Variants in LRRC4C observed in about 807,000 individuals in gnomAD.
LRRC4C encodes leucine rich repeat containing 4C.
In LRRC4C, 5 loss-of-function variants were observed where a neutral mutation model predicts 33.6. That is an observed-to-expected ratio of 0.15 (90% CI 0.08 to 0.31). LRRC4C has a LOEUF of 0.31. LRRC4C is among the 10% of genes least tolerant of loss of function. The pLI, the probability that LRRC4C is intolerant of heterozygous loss-of-function variation, is 1.00. For missense variants in LRRC4C, 560 were observed against 796.7 expected (o/e 0.70, Z 3.58); for synonymous variants, 329 against 302.0 (o/e 1.09, Z -0.93).
chr11:41,331,669 T>C (rs1236081790), intron 1 of LRRC4C, among the ~76,000 whole-genome samples: 1 of 152,132 alleles, frequency 6.6e-6, no homozygotes, highest in African/African-American at 2.4e-5. Context: ...TCTCATACTT[T>C]TATTCACTTC....
At chr11:40,944,879 A>G (rs972996114) in intron 1 of LRRC4C, among the ~76,000 whole-genome samples, 4 of 152,170 alleles carry the variant, frequency 2.6e-5, no homozygotes, top group Non-Finnish European at 5.9e-5. Flanking sequence ...AACAAATTAT[A>G]AAAATATAGA....
intron 2 of LRRC4C, among the ~76,000 whole-genome samples, chr11:40,707,685 T>C (rs1022885707): frequency 6.6e-6 from 1 of 152,126 alleles, no homozygotes; most frequent in African/African-American, 2.4e-5. Flanking sequence ...TTTTGTTGTG[T>C]CTCTGCCCAG....
intron 3 of LRRC4C, among the ~76,000 whole-genome samples, chr11:40,519,337 G>T (rs1280264180): frequency 6.6e-6 from 1 of 152,110 alleles, no homozygotes; most frequent in Admixed American, 6.6e-5. Flanking sequence ...ATTAGATAAT[G>T]TTTTCATTAA....
chr11:41,202,817 G>A (rs549948879), intron 1 of LRRC4C, among the ~76,000 whole-genome samples: 3 of 148,502 alleles, frequency 2.0e-5, no homozygotes, highest in Admixed American at 6.7e-5. Context: ...ACACAGTCTC[G>A]CTCTTTCACC....
intron 3 of LRRC4C, among the ~76,000 whole-genome samples, chr11:40,468,451 T>C (rs1308864139): frequency 6.6e-6 from 1 of 152,204 alleles, no homozygotes; most frequent in Non-Finnish European, 1.5e-5. Context: ...CTACTTTTCT[T>C]GAATTCTATT....
At chr11:41,153,254 T>A (rs1944078597) in intron 1 of LRRC4C, among the ~76,000 whole-genome samples, 1 of 152,192 alleles carries the variant, frequency 6.6e-6, no homozygotes, top group Non-Finnish European at 1.5e-5. Context: ...TAGCCTCAGT[T>A]ACTAGATATT....
intron 2 of LRRC4C, among the ~76,000 whole-genome samples, chr11:40,877,526 A>G (rs1174418019): frequency 6.6e-6 from 1 of 152,102 alleles, no homozygotes; most frequent in African/African-American, 2.4e-5. Context: ...TATTTCATCA[A>G]TTCACCGAGT....
At chr11:41,389,089 A>G (rs1350045972) in intron 1 of LRRC4C, among the ~76,000 whole-genome samples, 1 of 151,904 alleles carries the variant, frequency 6.6e-6, no homozygotes, top group Non-Finnish European at 1.5e-5. Context: ...ATACACTACC[A>G]TTAGCTGAGA....
intron 3 of LRRC4C, among the ~76,000 whole-genome samples, chr11:40,558,532 C>A (rs1957418093): frequency 6.6e-6 from 1 of 152,136 alleles, no homozygotes; most frequent in African/African-American, 2.4e-5. Context: ...AGGAAAACTT[C>A]TACTATCTAC....
intron 1 of LRRC4C, among the ~76,000 whole-genome samples, chr11:41,329,216 G>A (rs1403108273): frequency 6.6e-6 from 1 of 152,080 alleles, no homozygotes; most frequent in Non-Finnish European, 1.5e-5. Context: ...CTGGCTCTGT[G>A]ACTCTGCCCC....
At chr11:40,622,494 G>T (rs1962550292) in intron 3 of LRRC4C, among the ~76,000 whole-genome samples, 1 of 151,782 alleles carries the variant, frequency 6.6e-6, no homozygotes, top group Admixed American at 6.6e-5. Flanking sequence ...AAAGAAGACT[G>T]GTTGAGAAAG....
intron 2 of LRRC4C, among the ~76,000 whole-genome samples, chr11:40,651,265 G>A (rs1423025780): frequency 1.3e-5 from 2 of 152,024 alleles, no homozygotes; most frequent in African/African-American, 4.8e-5. Flanking sequence ...AAGTCTAGAG[G>A]GAAGTGTCTT....
At chr11:41,044,695 TCAA>T (rs1857653085) in intron 1 of LRRC4C, among the ~76,000 whole-genome samples, 1 of 152,074 alleles carries the variant, frequency 6.6e-6, no homozygotes, top group Non-Finnish European at 1.5e-5. Context: ...TCACAACAGA[TCAA>T]GTAGAACGCA....
At chr11:40,242,533 G>A (rs1038362155) in intron 4 of LRRC4C, among the ~76,000 whole-genome samples, 1 of 152,308 alleles carries the variant, frequency 6.6e-6, no homozygotes, top group African/African-American at 2.4e-5. Context: ...AGATGTAAAT[G>A]TAATAACAAG....
At chr11:40,326,814 T>G (rs1049417900) in intron 3 of LRRC4C, among the ~76,000 whole-genome samples, 2 of 152,116 alleles carry the variant, frequency 1.3e-5, no homozygotes, top group Non-Finnish European at 2.9e-5. Context: ...GAGAGAGCAA[T>G]TGATCTGAGT....
At chr11:40,433,495 G>C (rs908324155) in intron 3 of LRRC4C, among the ~76,000 whole-genome samples, 3 of 151,946 alleles carry the variant, frequency 2.0e-5, no homozygotes, top group Non-Finnish European at 2.9e-5. Flanking sequence ...TTAACTTTTT[G>C]ATTTCCTATA....
intron 3 of LRRC4C, among the ~76,000 whole-genome samples, chr11:40,642,928 A>G (rs1425109953): frequency 6.6e-6 from 1 of 152,224 alleles, no homozygotes; most frequent in Non-Finnish European, 1.5e-5. Flanking sequence ...ACTTCCACTT[A>G]CAGAAGGATA....
At chr11:40,211,542 A>G (rs1201892835) in intron 5 of LRRC4C, among the ~76,000 whole-genome samples, 1 of 152,228 alleles carries the variant, frequency 6.6e-6, no homozygotes, top group African/African-American at 2.4e-5. Context: ...AATTCAAAAT[A>G]AAAAAGCTAA....
rs200932062 is a variant in LRRC4C, at chr11:40,115,661, T to C, written c.632A>G (p.Glu211Gly). ...TATGAGCGGTGTGAGGTTAGGGATT[T>C]CCCGAAGGTTGCACATGGCAAGGTT... The part of the protein sequence containing the change: ...YLNLAMCNLR[E>G]IPNLTPLIKL... Residue 211 changes from glutamate to glycine, a missense_variant, in exon 7 of 7, where the codon GAA becomes GGA. Glu to Gly is a moderately conservative substitution (Grantham distance 98). Around this residue, in one of 3 missense-constraint regions of LRRC4C, gnomAD observed 455 missense variants for 643.8 expected, o/e 0.71. Transcript: ENST00000528697. This position sits in a 1 kb window ranked among gnomAD's most constrained non-coding sequence, Gnocchi z 6.7. 6.2e-7 allele frequency: 1 copy of C among 1,614,156 alleles called. No homozygotes were observed. The highest frequency in any genetic ancestry group is 1.3e-5 in the African/African-American group (1 of 75,040).
Sources: allele counts gnomAD v4.1 joint callset (sites outside exome capture counted in the v4.1 genomes callset), GRCh38; gene constraint gnomAD v4.1.1; regional missense constraint gnomAD v4.1.1; non-coding constraint Gnocchi (gnomAD v3.1); transcripts MANE v1.5; gene names NCBI Gene and HGNC (gene_info 2026-07-23, HGNC 2026-07-21).